The following CCBE1 variants were observed in gnomAD, a reference collection of about 807,000 sequenced individuals.
CCBE1 encodes the protein collagen and calcium binding EGF domains 1, also known as collagen and calcium-binding EGF domain-containing protein 1.
CCBE1 carries 37 observed loss-of-function variants against 50.0 expected under a neutral mutation model. The observed-to-expected ratio is 0.74, with a 90% CI of 0.57 to 0.97. The LOEUF (loss-of-function observed/expected upper bound fraction) is 0.97. Ranked by LOEUF, CCBE1 falls within the 50% of genes least tolerant of loss-of-function variation. The pLI, the probability that CCBE1 is intolerant of heterozygous loss-of-function variation, is 0.00. For synonymous variants in CCBE1, 234 were observed against 203.7 expected (o/e 1.15, Z -1.27); for missense variants, 538 against 523.8 (o/e 1.03, Z -0.26).
chr18:59,453,524 C>T (rs1431501951), intron 6 of CCBE1, among the ~76,000 whole-genome samples: 1 of 152,150 alleles, frequency 6.6e-6, no homozygotes, highest in African/African-American at 2.4e-5. Context: ...AAGCAGATCA[C>T]GTCATCAGAG....
chr18:59,663,796 T>A (rs1472614035), intron 2 of CCBE1, among the ~76,000 whole-genome samples: 2 of 152,062 alleles, frequency 1.3e-5, no homozygotes, highest in African/African-American at 4.8e-5. Context: ...AGTGATGGGA[T>A]TTGGTAATCA....
chr18:59,455,795 G>A (rs750156376), intron 5 of CCBE1, among the ~76,000 whole-genome samples: 5 of 152,206 alleles, frequency 3.3e-5, no homozygotes, highest in Non-Finnish European at 7.3e-5. Context: ...GGCTGAAAGT[G>A]CTAGGTTGAG....
At chr18:59,629,806 G>A (rs1468502506) in intron 2 of CCBE1, among the ~76,000 whole-genome samples, 1 of 152,178 alleles carries the variant, frequency 6.6e-6, no homozygotes, top group Non-Finnish European at 1.5e-5. Flanking sequence ...GCTTGTCGGG[G>A]GAAGGTGGGC....
At chr18:59,640,877 A>G (rs990082611) in intron 2 of CCBE1, among the ~76,000 whole-genome samples, 3 of 152,220 alleles carry the variant, frequency 2.0e-5, no homozygotes, top group African/African-American at 7.2e-5. Context: ...GCCAAGAAGC[A>G]TATGAAAAAA....
intron 6 of CCBE1, among the ~76,000 whole-genome samples, chr18:59,454,316 C>G (rs1911078064): frequency 6.6e-6 from 1 of 152,204 alleles, no homozygotes. Flanking sequence ...GTGGTCCCAG[C>G]TCACTGCAAC....
At chr18:59,492,171 A>C (rs1056852302) in intron 2 of CCBE1, among the ~76,000 whole-genome samples, 1 of 151,536 alleles carries the variant, frequency 6.6e-6, no homozygotes, top group Non-Finnish European at 1.5e-5. Context: ...AAAAAAAAGA[A>C]AAGCATTCTT....
chr18:59,672,562 T>G (rs1325064504), intron 2 of CCBE1, among the ~76,000 whole-genome samples: 3 of 152,176 alleles, frequency 2.0e-5, no homozygotes, highest in Non-Finnish European at 4.4e-5. Flanking sequence ...TCTGCTGGCA[T>G]CCAGCACCCA....
chr18:59,505,819 G>A (rs1282937931), intron 2 of CCBE1, among the ~76,000 whole-genome samples: 3 of 152,186 alleles, frequency 2.0e-5, no homozygotes, highest in Non-Finnish European at 2.9e-5. Context: ...TGTATAGGGG[G>A]TAAGAAACTT....
At chr18:59,600,008 AC>A (rs1212527898) in intron 2 of CCBE1, among the ~76,000 whole-genome samples, 1 of 151,970 alleles carries the variant, frequency 6.6e-6, no homozygotes, top group Non-Finnish European at 1.5e-5. Context: ...TTCCAACAAA[AC>A]TTTTGCGTCA....
intron 2 of CCBE1, among the ~76,000 whole-genome samples, chr18:59,536,505 A>G (rs1253044192): frequency 6.6e-6 from 1 of 152,218 alleles, no homozygotes; most frequent in African/African-American, 2.4e-5. Flanking sequence ...AAAGGAAGAG[A>G]AGGTTGTCTT....
intron 2 of CCBE1, among the ~76,000 whole-genome samples, chr18:59,505,734 A>T (rs1335970390): frequency 6.6e-6 from 1 of 152,206 alleles, no homozygotes. Flanking sequence ...ACAGTTAAAC[A>T]CTACATTTAG....
At chr18:59,576,886 GT>G (rs567638091) in intron 2 of CCBE1, among the ~76,000 whole-genome samples, 90 of 152,160 alleles carry the variant, frequency 5.9e-4, no homozygotes, top group Non-Finnish European at 9.6e-4. Flanking sequence ...TGCATAGTGG[GT>G]TTTGCCTACC....
intron 2 of CCBE1, among the ~76,000 whole-genome samples, chr18:59,655,797 T>C (rs1599106565): frequency 1.3e-5 from 2 of 152,174 alleles, no homozygotes; most frequent in South Asian, 4.1e-4. Flanking sequence ...CATCTGCACA[T>C]GAAGCCACTG....
rs1195551479 is a variant in CCBE1, at chr18:59,448,015, G to A, written c.743C>T (p.Pro248Leu). 6.2e-7 allele frequency: 1 copy of A among 1,614,202 alleles called. No individual in the cohort carries two copies. Among genetic ancestry groups the A allele is most frequent in the Admixed American group, 1.7e-5 (1 of 60,026 alleles). The change falls in exon 7 of 11, where the codon CCT (proline) becomes CTT (leucine). Residue 248 changes from proline to leucine, a missense_variant. Physicochemically the swap from Pro to Leu is moderately conservative, Grantham distance 98. Coordinates refer to ENST00000439986, the MANE Select transcript of CCBE1 (RefSeq NM_133459.4). ...GCCCTGGCCCCCAGGCAGGCCAGGA[G>A]GTCCTGGAAGGTAGGTGTTTGAGGC... ...VLASNTYLPG[P>L]PGLPGGQGPP...
intron 2 of CCBE1, among the ~76,000 whole-genome samples, chr18:59,663,397 C>T (rs2054311960): frequency 6.6e-6 from 1 of 152,162 alleles, no homozygotes; most frequent in African/African-American, 2.4e-5. Context: ...TTGCCTGAGA[C>T]AGTGCCAGTG....
At chr18:59,656,107 A>G (rs965896376) in intron 2 of CCBE1, among the ~76,000 whole-genome samples, 1 of 152,222 alleles carries the variant, frequency 6.6e-6, no homozygotes, top group African/African-American at 2.4e-5. Context: ...CTGCTTTTGA[A>G]TCTTTGCAAA....
chr18:59,554,161 A>G (rs1916027422), intron 2 of CCBE1, among the ~76,000 whole-genome samples: 1 of 151,930 alleles, frequency 6.6e-6, no homozygotes, highest in South Asian at 2.1e-4. Context: ...AGCTAACTTT[A>G]TTTTTTGTTG....
intron 2 of CCBE1, among the ~76,000 whole-genome samples, chr18:59,482,187 T>C (rs583010): frequency 0.29 from 43,671 of 152,112 alleles, 6,362 homozygotes; most frequent in African/African-American, 0.31. Flanking sequence ...TGGTTTCCAC[T>C]TTCATCCATG....
At chr18:59,573,729 A>T (rs2052951558) in intron 2 of CCBE1, among the ~76,000 whole-genome samples, 1 of 152,064 alleles carries the variant, frequency 6.6e-6, no homozygotes. Context: ...CAGAAAATGG[A>T]GTTATTGCTG....
Sources: gnomAD v4.1 joint callset for allele counts (sites outside exome capture counted in the v4.1 genomes callset) on GRCh38, gnomAD v4.1.1 for gene constraint, MANE v1.5 for transcripts, NCBI Gene and HGNC (gene_info 2026-07-23, HGNC 2026-07-21) for gene names.